Variants in ACTN1 observed in about 807,000 individuals in gnomAD.
ACTN1 encodes the protein alpha-actinin-1.
Under a neutral mutation model 119.6 loss-of-function variants are expected in ACTN1, and 30 were observed. That is an observed-to-expected ratio of 0.25 (90% confidence interval 0.19 to 0.34). The LOEUF (loss-of-function observed/expected upper bound fraction) is 0.34. ACTN1 is among the 10% of genes least tolerant of loss of function. ACTN1 has a pLI of 1.00. For missense variants in ACTN1, 764 were observed against 1,223.4 expected (o/e 0.62, Z 5.60); for synonymous variants, 429 against 472.6 (o/e 0.91, Z 1.20).
intron 2 of ACTN1, among the ~76,000 whole-genome samples, chr14:68,921,963 A>AC (rs1196742486): frequency 2.6e-5 from 4 of 152,118 alleles, no homozygotes; most frequent in Middle Eastern, 3.4e-3. Context: ...CTCTCCAAAT[A>AC]CCCCATTAAC....
chr14:68,885,908 G>T lies in ACTN1; in HGVS notation c.1235-333C>A. 1 of 224,764 alleles carries T rather than the reference G, an allele frequency of 4.4e-6. No homozygotes were observed. Among genetic ancestry groups the T allele is most frequent in the Non-Finnish European group, 9.0e-6 (1 of 111,018 alleles). 13.9% of individuals were successfully genotyped at this position (224,764 alleles called of 1,614,324 possible). A position where few individuals can be genotyped will look rare whatever the true frequency, so the allele number is the denominator to read the frequency against. On this transcript the variant is annotated intron_variant, in intron 11 of 21. Coordinates refer to ENST00000394419, the MANE Select transcript of ACTN1 (RefSeq NM_001130004.2). The surrounding 1 kb of genome is among the most constrained non-coding windows in gnomAD (Gnocchi z 5.6). ...CATCCACACCCTCTGGTATAACCAG[G>T]AAAAAAACAACCCAAGCACCTCAGG...
At chr14:68,891,401 G>C (rs1594770051) in intron 10 of ACTN1, among the ~76,000 whole-genome samples, 1 of 152,182 alleles carries the variant, frequency 6.6e-6, no homozygotes, top group South Asian at 2.1e-4. Flanking sequence ...TCCTAAAGCA[G>C]CTTATTATAT....
intron 1 of ACTN1, among the ~76,000 whole-genome samples, chr14:68,965,513 A>C (rs924013376): frequency 2.6e-5 from 4 of 152,194 alleles, no homozygotes; most frequent in South Asian, 2.1e-4. Context: ...TGATCAGTCC[A>C]CCTTGCAATT....
At chr14:68,934,812 A>G (rs1278761164) in intron 1 of ACTN1, among the ~76,000 whole-genome samples, 3 of 152,242 alleles carry the variant, frequency 2.0e-5, no homozygotes, top group Non-Finnish European at 4.4e-5. Context: ...CTATGAAAAA[A>G]ACTGCTTATA....
chr14:68,903,245 GC>G (rs369282601), intron 7 of ACTN1, among the ~76,000 whole-genome samples: 2 of 152,280 alleles, frequency 1.3e-5, no homozygotes, highest in Non-Finnish European at 2.9e-5. Context: ...GGGTTTTTAT[GC>G]GTTTGAAAAT....
intron 10 of ACTN1, among the ~76,000 whole-genome samples, chr14:68,891,796 G>A (rs1197014371): frequency 6.6e-6 from 1 of 152,138 alleles, no homozygotes; most frequent in Non-Finnish European, 1.5e-5. Flanking sequence ...GGGAGGTCTG[G>A]AGTAGATGCT....
intron 1 of ACTN1, among the ~76,000 whole-genome samples, chr14:68,975,488 AAG>A: frequency 1.3e-5 from 2 of 152,292 alleles, no homozygotes; most frequent in African/African-American, 4.8e-5. Context: ...CCAAGGTCAC[AAG>A]CCTGAAAATA....
chr14:68,905,283 C>T (rs916955742), intron 6 of ACTN1, among the ~76,000 whole-genome samples: 11 of 152,216 alleles, frequency 7.2e-5, no homozygotes, highest in African/African-American at 2.4e-4. Flanking sequence ...CTGCTACCTT[C>T]GCAAGAACAC....
At chr14:68,951,954 C>T (rs983020448) in intron 1 of ACTN1, among the ~76,000 whole-genome samples, 1 of 152,230 alleles carries the variant, frequency 6.6e-6, no homozygotes. Flanking sequence ...CCCATTGGGT[C>T]TGAAGATCTT....
At chr14:68,900,192 T>G (rs2033217786) in intron 8 of ACTN1, among the ~76,000 whole-genome samples, 1 of 152,072 alleles carries the variant, frequency 6.6e-6, no homozygotes, top group South Asian at 2.1e-4. Context: ...CTCTGGATCA[T>G]TTTTTACCTC....
intron 1 of ACTN1, among the ~76,000 whole-genome samples, chr14:68,973,105 C>T (rs934212551): frequency 7.2e-5 from 11 of 152,140 alleles, no homozygotes; most frequent in African/African-American, 2.2e-4. Flanking sequence ...CCTGGTACGA[C>T]ATGAAAGGAG....
chr14:68,944,186 G>A (rs2035855491), intron 1 of ACTN1, among the ~76,000 whole-genome samples: 1 of 152,224 alleles, frequency 6.6e-6, no homozygotes, highest in African/African-American at 2.4e-5. Flanking sequence ...CAGTTTTAGG[G>A]AGATGGAAAG....
In ACTN1 at chr14:68,939,048, C is replaced by T. The variant is rs368415996; in HGVS notation, c.106-13376G>A. Among the ~76,000 whole-genome samples the T allele has an allele frequency of 1.2e-3, 184 of 152,314 alleles. No homozygotes were observed. The Middle Eastern group carries it at 0.017, about 14-fold the overall frequency. Reference sequence around the variant, plus strand: ...CTTTTTCTGGGAGGCCTAACAAAGGCACCGTGCTTGAGAGGGCTCCTGGGC... The same window carrying T: ...CTTTTTCTGGGAGGCCTAACAAAGGTACCGTGCTTGAGAGGGCTCCTGGGC... On this transcript the variant is annotated intron_variant, in intron 1 of 21. Coordinates refer to ENST00000394419, the MANE Select transcript of ACTN1 (RefSeq NM_001130004.2).
At chr14:68,954,434 TCTC>T (rs529472489) in intron 1 of ACTN1, among the ~76,000 whole-genome samples, 1 of 152,102 alleles carries the variant, frequency 6.6e-6, no homozygotes, top group Non-Finnish European at 1.5e-5. Context: ...TTCAAGAGGT[TCTC>T]CTGCCTCAGC....
intron 1 of ACTN1, among the ~76,000 whole-genome samples, chr14:68,928,796 C>G (rs930181264): frequency 6.6e-6 from 1 of 152,164 alleles, no homozygotes; most frequent in African/African-American, 2.4e-5. Context: ...GCACTCCCAC[C>G]CCACATCCTC....
chr14:68,929,735 G>GC (rs2035131246), intron 1 of ACTN1, among the ~76,000 whole-genome samples: 1 of 152,172 alleles, frequency 6.6e-6, no homozygotes, highest in Admixed American at 6.5e-5. Context: ...CACTCCACCT[G>GC]CCCCGGCCCT....
intron 1 of ACTN1, among the ~76,000 whole-genome samples, chr14:68,963,994 C>T (rs1010618373): frequency 2.0e-5 from 3 of 152,178 alleles, no homozygotes; most frequent in Non-Finnish European, 4.4e-5. Context: ...GAATCATCTC[C>T]CCAAGAATTT....
intron 13 of ACTN1, 79 bp downstream of exon 13, chr14:68,884,696 G>A (rs896892466): frequency 5.6e-6 from 7 of 1,256,166 alleles, no homozygotes; most frequent in South Asian, 3.6e-5. Flanking sequence ...TTAGCCCAAA[G>A]CAAAGAGAGT....
chr14:68,971,623 T>C (rs2036888505), intron 1 of ACTN1, among the ~76,000 whole-genome samples: 1 of 152,210 alleles, frequency 6.6e-6, no homozygotes, highest in Non-Finnish European at 1.5e-5. Context: ...CCCACATATC[T>C]TACAAGGCTG....
Sources: gnomAD v4.1 joint callset for allele counts (sites outside exome capture counted in the v4.1 genomes callset) on GRCh38, gnomAD v4.1.1 for gene constraint, Gnocchi (gnomAD v3.1) non-coding constraint, MANE v1.5 for transcripts, NCBI Gene and HGNC (gene_info 2026-07-23, HGNC 2026-07-21) for gene names.